The following TKT variants were observed in gnomAD, a reference collection of about 807,000 sequenced individuals.
TKT encodes the protein epididymis luminal protein 107.
A neutral mutation model predicts 63.9 loss-of-function variants in TKT; 47 were observed. The ratio of observed to expected loss-of-function variants is 0.74; its 90% confidence interval spans 0.58 to 0.94. TKT has a LOEUF of 0.94. Among genes scored for constraint, TKT ranks in the 40% least tolerant of loss-of-function variants. The pLI is 0.00. For synonymous variants in TKT, 338 were observed against 334.1 expected (o/e 1.01, Z -0.13); for missense variants, 721 against 846.2 (o/e 0.85, Z 1.84).
At chr3:53,251,394 T>G (rs192142388) in intron 1 of TKT, among the ~76,000 whole-genome samples, 1 of 152,150 alleles carries the variant, frequency 6.6e-6, no homozygotes, top group East Asian at 1.9e-4. Flanking sequence ...AAAGCCAGGA[T>G]GAGCTGGACC....
At chr3:53,230,725 T>G in intron 7 of TKT, 104 bp from the exon 8 acceptor site, 1 of 1,361,020 alleles carries the variant, frequency 7.3e-7, no homozygotes. Flanking sequence ...GGGCCAAAAA[T>G]GGAAGCCCTG....
At position 53,231,399 on chromosome 3, in the gene TKT, G is replaced by A. The variant is rs1553676983; in HGVS notation, c.900C>T (p.Asn300=). The change falls in exon 7 of 14, where the codon AAC becomes AAT. Residue 300 remains asparagine, a synonymous_variant. Transcript: ENST00000462138. ...QEDAPSVDIA[N]IRMPSLPSYK... is the part of the protein sequence containing the mutation. ...AGCTGGGCAGGCTGGGCATGCGGAT[G>A]TTGGCAATGTCCACTGAGGGTGCGT... is the stretch of plus-strand genomic sequence containing the variant. The A allele has an allele frequency of 1.2e-6, 2 of 1,614,008 alleles. No individual in the cohort carries two copies. Among genetic ancestry groups the A allele is most frequent in the East Asian group, 2.2e-5 (1 of 44,888 alleles).
intron 4 of TKT, among the ~76,000 whole-genome samples, chr3:53,237,044 A>C (rs1290034109): frequency 6.6e-6 from 1 of 152,216 alleles, no homozygotes; most frequent in African/African-American, 2.4e-5. Context: ...GACTGGCTAG[A>C]TGGATTATAG....
At chr3:53,236,368 C>T (rs1705034985) in intron 4 of TKT, among the ~76,000 whole-genome samples, 1 of 152,236 alleles carries the variant, frequency 6.6e-6, no homozygotes, top group Non-Finnish European at 1.5e-5. Context: ...CTTCCACATG[C>T]CAGCAGGCCA....
chr3:53,239,402 A>G (rs1705175190), intron 4 of TKT, among the ~76,000 whole-genome samples: 1 of 152,008 alleles, frequency 6.6e-6, no homozygotes, highest in Non-Finnish European at 1.5e-5. Flanking sequence ...TTGAAGCCCT[A>G]GGCTCAAGTG....
intron 4 of TKT, among the ~76,000 whole-genome samples, chr3:53,239,711 A>ACCCAC (rs1270185151): frequency 6.6e-6 from 1 of 151,894 alleles, no homozygotes; most frequent in Non-Finnish European, 1.5e-5. Context: ...CAGGCTCATC[A>ACCCAC]CCCACCCTCT....
chr3:53,251,376 G>A (rs1171802064), intron 1 of TKT, among the ~76,000 whole-genome samples: 2 of 152,158 alleles, frequency 1.3e-5, no homozygotes, highest in Non-Finnish European at 2.9e-5. Flanking sequence ...CTGGGGTTTT[G>A]TTTTTTTAAA....
intron 4 of TKT, among the ~76,000 whole-genome samples, chr3:53,238,548 C>G (rs117265751): frequency 6.6e-6 from 1 of 152,204 alleles, no homozygotes. Flanking sequence ...ACAGTCTTCC[C>G]GAACCCCACT....
chr3:53,241,085 T>C, intron 3 of TKT, 47 bp downstream of exon 3: 1 of 1,473,972 alleles, frequency 6.8e-7, no homozygotes, highest in East Asian at 2.6e-5. Context: ...GTCTGGGAAA[T>C]AGGAAGTGGA....
At chr3:53,243,953 G>A (rs1473913565) in intron 1 of TKT, among the ~76,000 whole-genome samples, 2 of 152,186 alleles carry the variant, frequency 1.3e-5, no homozygotes, top group South Asian at 2.1e-4. Flanking sequence ...CATCCACCTC[G>A]ACACCCCGGG....
intron 10 of TKT, 94 bp from the exon 11 acceptor site, chr3:53,228,453 A>G: frequency 7.1e-7 from 1 of 1,413,732 alleles, no homozygotes; most frequent in East Asian, 2.3e-5. Context: ...TTCCCATGGG[A>G]GCGTTAGTTA....
chr3:53,246,028 G>A (rs1366332707), intron 1 of TKT, among the ~76,000 whole-genome samples: 3 of 152,118 alleles, frequency 2.0e-5, no homozygotes, highest in South Asian at 2.1e-4. Flanking sequence ...AGCACTCTGG[G>A]AGGCTGAGGT....
intron 4 of TKT, among the ~76,000 whole-genome samples, chr3:53,238,536 CCA>C (rs1159620207): frequency 6.6e-6 from 1 of 152,192 alleles, no homozygotes; most frequent in Non-Finnish European, 1.5e-5. Flanking sequence ...CTTCAAGGAC[CCA>C]CAGTCTTCCC....
At chr3:53,246,714 T>C (rs1458230916) in intron 1 of TKT, among the ~76,000 whole-genome samples, 5 of 151,518 alleles carry the variant, frequency 3.3e-5, no homozygotes, top group African/African-American at 1.2e-4. Flanking sequence ...TAGCCGGGCA[T>C]GTGGCACATG....
At chr3:53,234,037 G>A (rs1329583585) in intron 5 of TKT, 1 of 152,276 alleles carries the variant, frequency 6.6e-6, no homozygotes, top group African/African-American at 2.4e-5. Context: ...ACGAGGTTAT[G>A]GACACAGGTC....
chr3:53,228,338 T>TG lies in TKT; in HGVS notation c.1416dup (p.Ser473GlnfsTer10). The TG allele has an allele frequency of 6.2e-7, 1 of 1,614,172 alleles. No homozygotes were observed. On this transcript the variant is annotated frameshift_variant, in exon 11 of 14. Transcript: ENST00000462138. LOFTEE classifies it high-confidence loss of function. ...TAGATGATGGCATTTTCTGGGCGGC[T>TG]GGTCCGGATGAAGCAGATACCCTGA...
At chr3:53,243,487 C>T (rs1169589883) in intron 1 of TKT, 4 of 435,490 alleles carry the variant, frequency 9.2e-6, no homozygotes, top group South Asian at 3.3e-5. Context: ...GGGTGAGTCA[C>T]GCTCAGTGCA....
chr3:53,229,940 T>C (rs1553676615), intron 8 of TKT, among the ~76,000 whole-genome samples: 1 of 152,128 alleles, frequency 6.6e-6, no homozygotes, highest in East Asian at 1.9e-4. Flanking sequence ...GGAGGGGATA[T>C]TTTGAAAACA....
At chr3:53,227,967 G>T in intron 12 of TKT, 89 bp downstream of exon 12, 3 of 1,148,624 alleles carry the variant, frequency 2.6e-6, no homozygotes, top group South Asian at 1.4e-5. Context: ...AGCTCTTCAA[G>T]AAAGAACAGA....
Sources: allele counts gnomAD v4.1 joint callset (sites outside exome capture counted in the v4.1 genomes callset), GRCh38; gene constraint gnomAD v4.1.1; transcripts MANE v1.5; gene names NCBI Gene and HGNC (gene_info 2026-07-23, HGNC 2026-07-21).